Variants in VRTN observed in about 807,000 individuals in gnomAD.
The protein encoded by VRTN is vertebrae development associated.
In VRTN, 5 loss-of-function variants were observed where a neutral mutation model predicts 18.2. That is an observed-to-expected ratio of 0.27 (90% CI 0.14 to 0.58). The LOEUF (loss-of-function observed/expected upper bound fraction) is 0.58. VRTN is among the 20% of genes least tolerant of loss of function. VRTN has a pLI of 0.91. For missense variants in VRTN, 741 were observed against 939.4 expected (o/e 0.79, Z 2.76); for synonymous variants, 381 against 393.7 (o/e 0.97, Z 0.38).
chr14:74,320,473 A>G (rs2085447387), intron 1 of VRTN, among the ~76,000 whole-genome samples: 1 of 145,280 alleles, frequency 6.9e-6, no homozygotes, highest in Admixed American at 7.0e-5. Context: ...CATGTTAGCC[A>G]GGATGGTCTC....
intron 1 of VRTN, among the ~76,000 whole-genome samples, chr14:74,325,408 T>C (rs1273538127): frequency 2.0e-5 from 3 of 150,156 alleles, no homozygotes; most frequent in African/African-American, 7.4e-5. Context: ...ATAAAGCTGT[T>C]CCACCAATTA....
rs921204438 is a variant in VRTN, at chr14:74,351,765, G to A, written c.-2+3113G>A. Among the ~76,000 whole-genome samples, 5 of 152,078 alleles carry A rather than the reference G, an allele frequency of 3.3e-5. No individual in the cohort carries two copies. The East Asian group carries it at 7.7e-4, about 23-fold the overall frequency. ...CAAAGTTCTGGGATTACAGGCATGA[G>A]CCACTGCACTTGGGCTGATTACCAA... is the stretch of plus-strand genomic sequence containing the variant. On this transcript the variant is annotated intron_variant, in intron 1 of 1. Transcript: ENST00000256362.
intron 1 of VRTN, among the ~76,000 whole-genome samples, chr14:74,331,564 A>ATG (rs2085525839): frequency 1.5e-5 from 1 of 65,180 alleles, no homozygotes; most frequent in Non-Finnish European, 2.8e-5. Flanking sequence ...ATATATATAT[A>ATG]TATATATATA....
At chr14:74,332,835 G>T (rs928601741) in intron 1 of VRTN, among the ~76,000 whole-genome samples, 1 of 152,154 alleles carries the variant, frequency 6.6e-6, no homozygotes, top group African/African-American at 2.4e-5. Flanking sequence ...AGACTGTCAT[G>T]CATCTTCCAT....
chr14:74,345,664 C>G (rs12323854), upstream of VRTN, among the ~76,000 whole-genome samples: 1 of 152,132 alleles, frequency 6.6e-6, no homozygotes, highest in African/African-American at 2.4e-5. Context: ...TCGCTCACAT[C>G]TGTAATCCCA....
intron 1 of VRTN, among the ~76,000 whole-genome samples, chr14:74,304,888 A>G (rs1472038369): frequency 2.0e-5 from 3 of 152,236 alleles, no homozygotes; most frequent in Admixed American, 2.0e-4. Flanking sequence ...TAATAAGGCA[A>G]CCAAAGTATT....
intron 2 of VRTN, among the ~76,000 whole-genome samples, chr14:74,342,459 G>A (rs2085611654): frequency 6.6e-6 from 1 of 152,024 alleles, no homozygotes; most frequent in South Asian, 2.1e-4. Context: ...ATGTATTCGT[G>A]TATATATGTA....
intron 1 of VRTN, among the ~76,000 whole-genome samples, chr14:74,323,380 T>G (rs142936476): frequency 0.016 from 2,410 of 152,094 alleles, 62 homozygotes; most frequent in African/African-American, 0.055. Flanking sequence ...GGTCAGGAGT[T>G]TGAGACCAGC....
intron 1 of VRTN, among the ~76,000 whole-genome samples, chr14:74,353,683 A>G (rs2085702379): frequency 6.6e-6 from 1 of 152,206 alleles, no homozygotes. Context: ...ACAGTAACAA[A>G]TAATCATTTT....
At chr14:74,354,758 C>A (rs1390229077) in intron 1 of VRTN, among the ~76,000 whole-genome samples, 2 of 151,850 alleles carry the variant, frequency 1.3e-5, no homozygotes, top group Non-Finnish European at 2.9e-5. Context: ...GACTTTGTAA[C>A]AGCACCCATT....
At chr14:74,352,169 T>C (rs2085690135) in intron 1 of VRTN, among the ~76,000 whole-genome samples, 1 of 148,600 alleles carries the variant, frequency 6.7e-6, no homozygotes, top group Admixed American at 6.8e-5. Flanking sequence ...CTTTTAATTT[T>C]TTTTATTTAT....
At position 74,357,986 on chromosome 14, in the gene VRTN, A is replaced by T; in HGVS notation, c.1203A>T (p.Leu401Phe). Residue 401 changes from leucine (L) to phenylalanine (F), a missense_variant, in exon 2 of 2, where the codon TTA becomes TTT. By Grantham distance (22) the Leu-to-Phe change is conservative. Transcript: ENST00000256362. The surrounding 1 kb of genome is among the most constrained non-coding windows in gnomAD (Gnocchi z 7.8). ...CGGTGTCAAGCCCTGGAATGGTCTT[A>T]ATGCAGCGGGCCAAGTTGTACCTGG... is the stretch of plus-strand genomic sequence containing the variant. ...ALAVSSPGMV[L>F]MQRAKLYLEH... 1 of 1,614,206 alleles carries T rather than the reference A, an allele frequency of 6.2e-7. No individual in the cohort carries two copies. The highest frequency in any genetic ancestry group is 8.5e-7 in the Non-Finnish European group (1 of 1,180,026).
At chr14:74,322,500 A>G (rs1359291064) in intron 1 of VRTN, among the ~76,000 whole-genome samples, 1 of 152,142 alleles carries the variant, frequency 6.6e-6, no homozygotes, top group Non-Finnish European at 1.5e-5. Flanking sequence ...TAAAATTTAT[A>G]TCTATTATCG....
chr14:74,308,912 G>A (rs1052363487), intron 1 of VRTN, among the ~76,000 whole-genome samples: 2 of 151,024 alleles, frequency 1.3e-5, no homozygotes, highest in African/African-American at 4.9e-5. Flanking sequence ...GCCCAGGATG[G>A]AATGCAGTGG....
chr14:74,312,279 A>G (rs372449290), intron 1 of VRTN, among the ~76,000 whole-genome samples: 7 of 152,334 alleles, frequency 4.6e-5, no homozygotes, highest in African/African-American at 1.7e-4. Flanking sequence ...AAATATAGCT[A>G]AGTTTAAAAG....
chr14:74,358,509 CAGG>C lies in VRTN; in HGVS notation c.1729_1731del (p.Glu577del), dbSNP rs555395872. ...AGGGGGGCAGGAGGCTGAGGAGAAG[CAGG>C]AGAAGGAGGCTGGCAGGGATGTGAC... On this transcript the variant is annotated inframe_deletion, in exon 2 of 2. Coordinates refer to ENST00000256362, the MANE Select transcript of VRTN (RefSeq NM_018228.3). This position sits in a 1 kb window ranked among gnomAD's most constrained non-coding sequence, Gnocchi z 5.4. 692 of 1,613,760 alleles carry C rather than the reference CAGG, an allele frequency of 4.3e-4. 2 individuals are homozygous for C. The African/African-American group carries it at 8.2e-3, about 19-fold the overall frequency.
At chr14:74,324,706 G>T (rs2085477808) in intron 1 of VRTN, among the ~76,000 whole-genome samples, 1 of 151,834 alleles carries the variant, frequency 6.6e-6, no homozygotes, top group African/African-American at 2.4e-5. Flanking sequence ...TGCGTAACAT[G>T]CCGAGACCCC....
rs45447993 is a variant in VRTN at position 74,358,581 on chromosome 14, G to A, written c.1798G>A (p.Glu600Lys). The A allele has an allele frequency of 2.2e-4, 346 of 1,603,716 alleles. No homozygotes were observed. The highest frequency in any genetic ancestry group is 2.8e-4 in the Non-Finnish European group (334 of 1,174,364). Reference sequence around the variant, plus strand: ...TGTGGGGGCTTCTTCAGAAGATGTAGAGGGAGGGCCTTCCAGAGAGGGGGC... The same window carrying A: ...TGTGGGGGCTTCTTCAGAAGATGTAAAGGGAGGGCCTTCCAGAGAGGGGGC... Reference protein sequence around the residue: ...PPVGASSEDVEGGPSREGALQ... With the variant: ...PPVGASSEDVKGGPSREGALQ... The change falls in exon 2 of 2, where the codon GAG (glutamate) becomes AAG (lysine). Residue 600 changes from glutamate (E) to lysine (K), a missense_variant. Glu to Lys is a moderately conservative substitution (Grantham distance 56). Around this residue, in one of 3 missense-constraint regions of VRTN, gnomAD observed 494 missense variants for 546.5 expected, o/e 0.90. Transcript: ENST00000256362. This position sits in a 1 kb window ranked among gnomAD's most constrained non-coding sequence, Gnocchi z 5.4.
At chr14:74,309,412 G>A (rs1023875593) in intron 1 of VRTN, among the ~76,000 whole-genome samples, 3 of 151,998 alleles carry the variant, frequency 2.0e-5, no homozygotes, top group Admixed American at 6.6e-5. Context: ...AATTTCCCCC[G>A]GCTCTAATCC....
Sources: allele counts gnomAD v4.1 joint callset (sites outside exome capture counted in the v4.1 genomes callset), GRCh38; gene constraint gnomAD v4.1.1; regional missense constraint gnomAD v4.1.1; non-coding constraint Gnocchi (gnomAD v3.1); transcripts MANE v1.5; gene names NCBI Gene and HGNC (gene_info 2026-07-23, HGNC 2026-07-21).